SMARCC1: variants seen among roughly 807,000 people sequenced by gnomAD.
SMARCC1 encodes SWI/SNF related BAF chromatin remodeling complex subunit C1, also known as SWI/SNF complex subunit SMARCC1.
In SMARCC1, 43 loss-of-function variants were observed where a neutral mutation model predicts 147.4. The observed-to-expected ratio is 0.29, with a 90% confidence interval of 0.23 to 0.38. SMARCC1 has a LOEUF of 0.38. Among genes scored for constraint, SMARCC1 ranks in the 10% least tolerant of loss-of-function variants. The pLI is 1.00. For synonymous variants in SMARCC1, 495 were observed against 484.4 expected, an observed-to-expected ratio of 1.02 and a Z score of -0.29; for missense variants, 1,119 against 1,381.1, an observed-to-expected ratio of 0.81 and a Z score of 3.01.
At chr3:47,600,220 G>A (rs1253301415) in intron 26 of SMARCC1, among the ~76,000 whole-genome samples, 1 of 152,146 alleles carries the variant, frequency 6.6e-6, no homozygotes, top group Non-Finnish European at 1.5e-5. Flanking sequence ...AGGTCTAGAG[G>A]AAAAGCAATT....
chr3:47,755,630 G>A (rs896250775), intron 2 of SMARCC1, among the ~76,000 whole-genome samples: 13 of 151,920 alleles, frequency 8.6e-5, no homozygotes, highest in African/African-American at 2.4e-4. Context: ...TGGTCAAGGC[G>A]GGCGGATCAT....
At chr3:47,726,909 A>G (rs1442396529) in intron 6 of SMARCC1, among the ~76,000 whole-genome samples, 1 of 152,040 alleles carries the variant, frequency 6.6e-6, no homozygotes, top group African/African-American at 2.4e-5. Context: ...TCAAGGCTGA[A>G]TAATATTCCA....
rs755828060 is a variant in SMARCC1 at position 47,696,375 on chromosome 3, GAAACA to G, written c.1166-3080_1166-3076del. ...GGCAACAGAGCGAGACTCTGTCTCA[GAAACA>G]AAACAAAACAAAAAAACAAAACACA... On this transcript the variant is annotated intron_variant, in intron 11 of 27. Coordinates refer to ENST00000254480, the MANE Select transcript of SMARCC1 (RefSeq NM_003074.4). Among the ~76,000 whole-genome samples, 17 of 151,926 alleles carry G rather than the reference GAAACA, an allele frequency of 1.1e-4. No homozygotes were observed. The East Asian group carries it at 1.5e-3, about 14-fold the overall frequency.
intron 6 of SMARCC1, among the ~76,000 whole-genome samples, chr3:47,728,403 A>AC (rs530235567): frequency 1.3e-5 from 2 of 151,854 alleles, no homozygotes; most frequent in Non-Finnish European, 2.9e-5. Context: ...TAGTCTAAGA[A>AC]CCACCTGACA....
chr3:47,693,391 T>G, intron 11 of SMARCC1, 91 bp from the exon 12 acceptor site: 1 of 722,668 alleles, frequency 1.4e-6, no homozygotes, highest in East Asian at 2.5e-5. Context: ...TTAAACGACA[T>G]GCATCTCACT....
chr3:47,653,627 A>C (rs2033221828), intron 21 of SMARCC1, among the ~76,000 whole-genome samples: 2 of 152,198 alleles, frequency 1.3e-5, no homozygotes, highest in Admixed American at 6.5e-5. Context: ...CCCAAGGGAG[A>C]AACATTTGCT....
intron 24 of SMARCC1, among the ~76,000 whole-genome samples, chr3:47,627,587 C>T (rs551215904): frequency 2.8e-4 from 43 of 152,206 alleles, no homozygotes; most frequent in African/African-American, 1.0e-3. Context: ...CAGAGCACTA[C>T]CAGCAAAGGA....
chr3:47,644,759 C>T (rs1437249211), intron 21 of SMARCC1, among the ~76,000 whole-genome samples: 8 of 152,142 alleles, frequency 5.3e-5, no homozygotes, highest in African/African-American at 1.4e-4. Context: ...CCGCCCGCCT[C>T]GGCCTTCAAA....
At chr3:47,691,881 TC>T (rs2106776002) in intron 12 of SMARCC1, among the ~76,000 whole-genome samples, 2 of 152,008 alleles carry the variant, frequency 1.3e-5, no homozygotes, top group Admixed American at 1.3e-4. Flanking sequence ...GTGCCTGTAG[TC>T]CCAGCTACTC....
At chr3:47,740,684 T>C (rs1052480179) in intron 3 of SMARCC1, among the ~76,000 whole-genome samples, 2 of 151,846 alleles carry the variant, frequency 1.3e-5, no homozygotes, top group Non-Finnish European at 2.9e-5. Context: ...TACAGCCCCA[T>C]CAAAGAACTA....
rs781357303 is a variant in SMARCC1, at chr3:47,675,430, C to T, written c.1839+45G>A. On this transcript the variant is annotated intron_variant, in intron 18 of 27. Coordinates refer to ENST00000254480, the MANE Select transcript of SMARCC1 (RefSeq NM_003074.4). Reference sequence around the variant, plus strand: ...GCTCATTAGATGTATCTTAGAAGGACTAAGATGTGCTGGATTGCAGCCCAT... The same window carrying T: ...GCTCATTAGATGTATCTTAGAAGGATTAAGATGTGCTGGATTGCAGCCCAT... 9.8e-6 allele frequency: 9 copies of T among 915,728 alleles called. No homozygotes were observed. The South Asian group carries it at 1.1e-4, about 11-fold the overall frequency. The allele number at this position is 915,728 out of a possible 1,614,324, so 56.7% of individuals were successfully genotyped here.
intron 2 of SMARCC1, among the ~76,000 whole-genome samples, chr3:47,768,200 C>T (rs2034863847): frequency 6.6e-6 from 1 of 152,104 alleles, no homozygotes; most frequent in Non-Finnish European, 1.5e-5. Context: ...ATTTATATGT[C>T]TCACTGAAAC....
intron 2 of SMARCC1, among the ~76,000 whole-genome samples, chr3:47,757,441 TAA>T: frequency 6.6e-6 from 1 of 151,858 alleles, no homozygotes; most frequent in South Asian, 2.1e-4. Context: ...AACCAAAATG[TAA>T]AAGACAAAAA....
intron 13 of SMARCC1, among the ~76,000 whole-genome samples, chr3:47,686,488 A>AT (rs1210874607): frequency 4.6e-5 from 7 of 152,208 alleles, no homozygotes; most frequent in Admixed American, 2.6e-4. Flanking sequence ...TAAATAACTC[A>AT]TAACCCAGAT....
At chr3:47,625,858 G>A (rs2032801916) in intron 24 of SMARCC1, among the ~76,000 whole-genome samples, 1 of 152,088 alleles carries the variant, frequency 6.6e-6, no homozygotes, top group Non-Finnish European at 1.5e-5. Context: ...GTACCACCAA[G>A]AAGTCCACTG....
intron 24 of SMARCC1, among the ~76,000 whole-genome samples, chr3:47,630,267 C>A (rs548218411): frequency 3.6e-4 from 55 of 152,226 alleles, no homozygotes; most frequent in Admixed American, 1.9e-3. Flanking sequence ...AACCTAGATC[C>A]CTCGCATGCA....
chr3:47,632,520 A>T (rs2032907065), intron 24 of SMARCC1, among the ~76,000 whole-genome samples: 2 of 152,036 alleles, frequency 1.3e-5, no homozygotes, highest in African/African-American at 2.4e-5. Context: ...TGGTATCAAG[A>T]GGAGAAACTG....
At chr3:47,772,724 C>G (rs1000075319) in intron 2 of SMARCC1, 93 bp downstream of exon 2, 2 of 1,119,672 alleles carry the variant, frequency 1.8e-6, no homozygotes, top group Non-Finnish European at 2.5e-6. Flanking sequence ...AAATTCTACA[C>G]GCTAGCAGCA....
intron 26 of SMARCC1, among the ~76,000 whole-genome samples, chr3:47,609,496 C>CAA (rs905858877): frequency 2.8e-5 from 3 of 106,678 alleles, no homozygotes; most frequent in African/African-American, 1.1e-4. Flanking sequence ...GACTCCGTCT[C>CAA]AAAAAAAAAA....
Sources: gnomAD v4.1 joint callset for allele counts (sites outside exome capture counted in the v4.1 genomes callset) on GRCh38, gnomAD v4.1.1 for gene constraint, MANE v1.5 for transcripts, NCBI Gene and HGNC (gene_info 2026-07-23, HGNC 2026-07-21) for gene names.